Variants in CEP41 observed in about 807,000 individuals in gnomAD.
CEP41 encodes the protein centrosomal protein of 41 kDa.
Under a neutral mutation model 44.3 loss-of-function variants are expected in CEP41, and 32 were observed. The observed-to-expected ratio is 0.72, with a 90% CI of 0.54 to 0.97. The LOEUF is 0.97. CEP41 is among the 50% of genes least tolerant of loss of function. The pLI, the probability that CEP41 is intolerant of heterozygous loss-of-function variation, is 0.00. For missense variants in CEP41, 432 were observed against 455.2 expected, an observed-to-expected ratio of 0.95 and a Z score of 0.46; for synonymous variants, 151 against 168.5, an observed-to-expected ratio of 0.90 and a Z score of 0.80.
At chr7:130,436,308 A>C (rs1434656870) in intron 1 of CEP41, among the ~76,000 whole-genome samples, 3 of 152,208 alleles carry the variant, frequency 2.0e-5, no homozygotes, top group African/African-American at 7.2e-5. Context: ...GCCAATCTCA[A>C]AAGGTCACAT....
chr7:130,400,173 G>C lies in CEP41; in HGVS notation c.839C>G (p.Pro280Arg). The C allele has an allele frequency of 6.2e-7, 1 of 1,613,926 alleles. No individual in the cohort carries two copies. Among genetic ancestry groups the C allele is most frequent in the Non-Finnish European group, 8.5e-7 (1 of 1,179,882 alleles). ...GCTGGATCGTTTCCGGGCAGACCCA[G>C]GAGGAAGGGCCTGCTGGCAAGATGC... Reference protein sequence around the residue: ...LPASCQQALPPGSARKRSSPK... With the variant: ...LPASCQQALPRGSARKRSSPK... Residue 280 changes from proline to arginine, a missense_variant, in exon 10 of 11, where the codon CCT (proline) becomes CGT (arginine). Physicochemically the swap from Pro to Arg is moderately radical, Grantham distance 103. Coordinates refer to ENST00000223208, the MANE Select transcript of CEP41 (RefSeq NM_018718.3).
chr7:130,400,647 C>T, intron 9 of CEP41, 60 bp downstream of exon 9: 1 of 974,990 alleles, frequency 1.0e-6, no homozygotes, highest in Non-Finnish European at 1.6e-6. Flanking sequence ...AAAGGGGATG[C>T]AGGTGGGACT....
intron 2 of CEP41, chr7:130,421,578 G>A (rs1489955147): frequency 1.0e-6 from 1 of 987,732 alleles, no homozygotes; most frequent in South Asian, 4.7e-5. Context: ...AAGGCTATTA[G>A]CAAATATTCA....
intron 1 of CEP41, among the ~76,000 whole-genome samples, chr7:130,435,479 G>A (rs1483173692): frequency 6.6e-6 from 1 of 152,146 alleles, no homozygotes; most frequent in Non-Finnish European, 1.5e-5. Flanking sequence ...TGACAGATAA[G>A]CACATGAAAA....
chr7:130,411,088 C>T (rs1554419571), intron 5 of CEP41, 34 bp downstream of exon 5: 1 of 1,584,454 alleles, frequency 6.3e-7, no homozygotes, highest in Non-Finnish European at 8.7e-7. Flanking sequence ...AATGGTCAGC[C>T]TGTTATTTTC....
chr7:130,414,276 C>T (rs553435298), intron 3 of CEP41, among the ~76,000 whole-genome samples: 43 of 152,314 alleles, frequency 2.8e-4, no homozygotes, highest in African/African-American at 8.9e-4. Flanking sequence ...AACCTATATG[C>T]AGTGGAACTT....
chr7:130,426,620 G>C (rs974640066), intron 2 of CEP41: 1 of 455,658 alleles, frequency 2.2e-6, no homozygotes, highest in East Asian at 7.0e-5. Context: ...TTTAAATCTA[G>C]GTGCTTACCT....
At chr7:130,439,012 T>C (rs1168956562) in intron 1 of CEP41, among the ~76,000 whole-genome samples, 6 of 152,198 alleles carry the variant, frequency 3.9e-5, no homozygotes, top group South Asian at 2.1e-4. Context: ...ATCTACAATA[T>C]AGTTGAACTT....
Position 130,439,084 on chromosome 7 carries a change from C to T in CEP41, c.33+1850G>A, listed in dbSNP as rs562601545. On this transcript the variant is annotated intron_variant, in intron 1 of 10. Coordinates refer to ENST00000223208, the MANE Select transcript of CEP41 (RefSeq NM_018718.3). ...TACCCAGATTTTCTTCTGCCTCTGTCACCCCTAAGGCAGCAAGACCAACCC... is the reference window on the plus strand; with the variant it reads ...TACCCAGATTTTCTTCTGCCTCTGTTACCCCTAAGGCAGCAAGACCAACCC... Among the ~76,000 whole-genome samples, 54 of 152,320 alleles carry T rather than the reference C, an allele frequency of 3.5e-4. 1 individual carries two copies. Among genetic ancestry groups the T allele is most frequent in the African/African-American group, 1.3e-3 (53 of 41,564 alleles).
intron 3 of CEP41, among the ~76,000 whole-genome samples, chr7:130,416,474 G>A (rs1044890983): frequency 2.6e-5 from 4 of 152,180 alleles, no homozygotes; most frequent in Non-Finnish European, 5.9e-5. Flanking sequence ...ATAACACTAA[G>A]TTCTCACGTC....
At chr7:130,420,940 T>G (rs1797489420) in intron 2 of CEP41, 1 of 982,920 alleles carries the variant, frequency 1.0e-6, no homozygotes, top group African/African-American at 1.7e-5. Flanking sequence ...TATGTACAAC[T>G]TGACTTATAT....
chr7:130,397,632 T>G lies in CEP41; in HGVS notation c.*1259A>C, dbSNP rs782389756. 16 of 452,110 alleles carry G rather than the reference T, an allele frequency of 3.5e-5. No homozygotes were observed. Among genetic ancestry groups the G allele is most frequent in the Non-Finnish European group, 7.1e-5 (16 of 226,540 alleles). 28.0% of individuals were successfully genotyped at this position (452,110 alleles called of 1,614,324 possible). ...TGGGCTTTTCAGAAGCTGGTTGCCA[T>G]GACAAAGAGCACAATTTATTCCTCA... On this transcript the variant is annotated 3_prime_UTR_variant, in exon 11 of 11. Transcript: ENST00000223208.
chr7:130,419,140 C>G (rs1444002609), intron 2 of CEP41: 2 of 985,354 alleles, frequency 2.0e-6, no homozygotes, highest in Middle Eastern at 5.2e-4. Flanking sequence ...TATTTGTTTT[C>G]CCCCTAAAGG....
chr7:130,400,344 T>C (rs1796805246), intron 9 of CEP41, 90 bp from the exon 10 acceptor site: 1 of 909,508 alleles, frequency 1.1e-6, no homozygotes, highest in Admixed American at 1.8e-5. Flanking sequence ...TTCTAATCTC[T>C]GGTCATCAAG....
At chr7:130,413,189 C>G (rs1258333544) in intron 3 of CEP41, among the ~76,000 whole-genome samples, 1 of 152,012 alleles carries the variant, frequency 6.6e-6, no homozygotes, top group African/African-American at 2.4e-5. Flanking sequence ...CGGGGTTTCA[C>G]CATGTTGGCC....
In CEP41 at chr7:130,399,704, C is replaced by T. The variant is rs1188966024; in HGVS notation, c.973+335G>A. ...GTGTGGTGGCGGGCACCTGTAATCCCACCTACTCGGGAGGCTGATGTGGGA... is the reference window on the plus strand; with the variant it reads ...GTGTGGTGGCGGGCACCTGTAATCCTACCTACTCGGGAGGCTGATGTGGGA... On this transcript the variant is annotated intron_variant, in intron 10 of 10. Coordinates refer to ENST00000223208, the MANE Select transcript of CEP41 (RefSeq NM_018718.3). The T allele has an allele frequency of 1.7e-5, 5 of 294,530 alleles. No homozygotes were observed. In the East Asian group the frequency reaches 4.3e-4, roughly 25 times the overall value. 18.2% of individuals were successfully genotyped at this position (294,530 alleles called of 1,614,324 possible). A position where few individuals can be genotyped will look rare whatever the true frequency, so the allele number is the denominator to read the frequency against.
chr7:130,403,166 G>T (rs1796907191), intron 6 of CEP41, among the ~76,000 whole-genome samples: 1 of 152,196 alleles, frequency 6.6e-6, no homozygotes, highest in Non-Finnish European at 1.5e-5. Flanking sequence ...AAAGAGGGAA[G>T]AATATGGTTG....
chr7:130,440,798 CATCCCGA>C, intron 1 of CEP41, 129 bp downstream of exon 1: 2 of 593,344 alleles, frequency 3.4e-6, no homozygotes, highest in African/African-American at 1.9e-5. Flanking sequence ...CCCGCCCCTG[CATCCCGA>C]CCCCTCCTCA....
intron 4 of CEP41, 72 bp downstream of exon 4, chr7:130,412,107 T>G (rs534698231): frequency 1.3e-4 from 110 of 857,650 alleles, no homozygotes; most frequent in Non-Finnish European, 5.1e-5. Flanking sequence ...TTCCCTAGAG[T>G]TGAATTTAGA....
Sources: gnomAD v4.1 joint callset for allele counts (sites outside exome capture counted in the v4.1 genomes callset) on GRCh38, gnomAD v4.1.1 for gene constraint, MANE v1.5 for transcripts, NCBI Gene and HGNC (gene_info 2026-07-23, HGNC 2026-07-21) for gene names.